The following SYT16 variants were observed in gnomAD, a reference collection of about 807,000 sequenced individuals.
SYT16 encodes the protein synaptotagmin 16.
In SYT16, 42 loss-of-function variants were observed where a neutral mutation model predicts 61.4. The observed-to-expected ratio is 0.68, with a 90% CI of 0.53 to 0.89. SYT16 has a LOEUF of 0.89. SYT16 is among the 40% of genes least tolerant of loss of function. SYT16 has a pLI of 0.00. For synonymous variants in SYT16, 314 were observed against 302.3 expected (o/e 1.04, Z -0.40); for missense variants, 804 against 807.3 (o/e 1.00, Z 0.05).
intron 1 of SYT16, among the ~76,000 whole-genome samples, chr14:61,908,773 G>A (rs1448694374): frequency 6.6e-6 from 1 of 152,120 alleles, no homozygotes; most frequent in African/African-American, 2.4e-5. Context: ...TCTACATCTG[G>A]TGGCTGTGGC....
chr14:61,846,009 AT>A (rs1461050891), intron 1 of SYT16, among the ~76,000 whole-genome samples: 1 of 152,032 alleles, frequency 6.6e-6, no homozygotes, highest in African/African-American at 2.4e-5. Flanking sequence ...GTTTTATTCC[AT>A]TGTGGTAAGA....
At chr14:61,990,733 C>G (rs1408694089) in intron 2 of SYT16, among the ~76,000 whole-genome samples, 1 of 152,102 alleles carries the variant, frequency 6.6e-6, no homozygotes, top group African/African-American at 2.4e-5. Flanking sequence ...GCAAGCAACC[C>G]CATCAGATAG....
chr14:62,069,750 A>T lies in SYT16; in HGVS notation c.671A>T (p.Lys224Ile). Residue 224 changes from lysine to isoleucine, a missense_variant, in exon 4 of 8, where the codon AAA (lysine) becomes ATA (isoleucine). Coordinates refer to ENST00000683842, the MANE Select transcript of SYT16 (RefSeq NM_001367656.1). ...GGAAAGCAGACAGGATTGGAGCAGAAACCAAAATTCAGCCGTTCGTTGTTG... is the reference window on the plus strand; with the variant it reads ...GGAAAGCAGACAGGATTGGAGCAGATACCAAAATTCAGCCGTTCGTTGTTG... ...EKGKQTGLEQ[K>I]PKFSRSLLTH... 3.7e-6 allele frequency: 6 copies of T among 1,614,030 alleles called. No individual in the cohort carries two copies. Among genetic ancestry groups the T allele is most frequent in the Non-Finnish European group, 5.1e-6 (6 of 1,179,890 alleles).
intron 3 of SYT16, among the ~76,000 whole-genome samples, chr14:62,018,424 C>T (rs2053786617): frequency 6.7e-6 from 1 of 150,238 alleles, no homozygotes; most frequent in Admixed American, 6.7e-5. Context: ...TCTCCTACCT[C>T]AGCCTCCCAA....
At chr14:62,022,984 G>A (rs958058424) in intron 3 of SYT16, among the ~76,000 whole-genome samples, 6 of 152,052 alleles carry the variant, frequency 3.9e-5, no homozygotes, top group African/African-American at 1.4e-4. Flanking sequence ...TAATTTTAAA[G>A]TCCTTGTCTG....
intron 1 of SYT16, among the ~76,000 whole-genome samples, chr14:61,872,181 C>G (rs1461498217): frequency 1.3e-5 from 2 of 151,870 alleles, no homozygotes; most frequent in African/African-American, 2.4e-5. Flanking sequence ...AATGAATGGC[C>G]CAATGCATAC....
chr14:61,969,126 A>G (rs1255669470), intron 1 of SYT16, among the ~76,000 whole-genome samples: 1 of 152,140 alleles, frequency 6.6e-6, no homozygotes, highest in Non-Finnish European at 1.5e-5. Context: ...AAGGCTTTGT[A>G]TTATTTGTAT....
chr14:62,053,164 G>A (rs1043109378), intron 3 of SYT16, among the ~76,000 whole-genome samples: 6 of 152,146 alleles, frequency 3.9e-5, no homozygotes, highest in African/African-American at 7.2e-5. Flanking sequence ...AAGAGAATAC[G>A]TAAATAATCA....
At chr14:61,988,115 C>T (rs2052396549) in intron 2 of SYT16, among the ~76,000 whole-genome samples, 1 of 152,084 alleles carries the variant, frequency 6.6e-6, no homozygotes, top group African/African-American at 2.4e-5. Context: ...TACTGGGGGC[C>T]AGTAGATGTG....
chr14:62,067,788 C>G (rs1340496178), intron 3 of SYT16, among the ~76,000 whole-genome samples: 1 of 150,682 alleles, frequency 6.6e-6, no homozygotes, highest in Admixed American at 6.6e-5. Context: ...ATGGTGAAAC[C>G]CTGTCTCTAC....
At chr14:61,941,446 A>T (rs553195389) in intron 1 of SYT16, among the ~76,000 whole-genome samples, 1 of 152,238 alleles carries the variant, frequency 6.6e-6, no homozygotes, top group East Asian at 1.9e-4. Flanking sequence ...CTAAATCTTC[A>T]TTCGTAGCCC....
At chr14:61,840,377 A>G (rs953387492) in intron 1 of SYT16, among the ~76,000 whole-genome samples, 1 of 152,104 alleles carries the variant, frequency 6.6e-6, no homozygotes, top group South Asian at 2.1e-4. Context: ...AATGGTTGAG[A>G]TCACCCAGGG....
chr14:62,093,253 G>A (rs1407293534), intron 7 of SYT16, among the ~76,000 whole-genome samples: 1 of 151,892 alleles, frequency 6.6e-6, no homozygotes, highest in African/African-American at 2.4e-5. Flanking sequence ...AACCAATAGA[G>A]GGAATAAATG....
intron 3 of SYT16, among the ~76,000 whole-genome samples, chr14:62,056,363 A>G (rs2055554808): frequency 6.6e-6 from 1 of 152,186 alleles, no homozygotes; most frequent in South Asian, 2.1e-4. Context: ...AAGGAATTTA[A>G]CCTAAGAAAA....
At chr14:62,044,763 G>C (rs921803138) in intron 3 of SYT16, among the ~76,000 whole-genome samples, 2 of 152,066 alleles carry the variant, frequency 1.3e-5, no homozygotes, top group African/African-American at 4.8e-5. Context: ...TGCCGGACTT[G>C]AGTAAGTGCT....
chr14:61,862,287 C>T (rs902605967), intron 1 of SYT16, among the ~76,000 whole-genome samples: 3 of 152,126 alleles, frequency 2.0e-5, no homozygotes, highest in South Asian at 2.1e-4. Flanking sequence ...TCCCACCTCC[C>T]GGACCCTGGA....
At chr14:61,918,994 A>G (rs1259031142) in intron 1 of SYT16, among the ~76,000 whole-genome samples, 1 of 152,232 alleles carries the variant, frequency 6.6e-6, no homozygotes, top group Non-Finnish European at 1.5e-5. Flanking sequence ...GGATTCTTAG[A>G]AGAGACAGGT....
intron 3 of SYT16, among the ~76,000 whole-genome samples, chr14:62,069,045 C>T (rs1471605761): frequency 1.3e-5 from 2 of 152,212 alleles, no homozygotes; most frequent in Non-Finnish European, 2.9e-5. Flanking sequence ...ATCTGCCCAC[C>T]TCGGCCTCCC....
At chr14:62,087,046 C>T (rs1407332884) in intron 7 of SYT16, among the ~76,000 whole-genome samples, 1 of 152,156 alleles carries the variant, frequency 6.6e-6, no homozygotes, top group Non-Finnish European at 1.5e-5. Flanking sequence ...TTTTCAAGGG[C>T]TTTGGATGTC....
Sources: allele counts gnomAD v4.1 joint callset (sites outside exome capture counted in the v4.1 genomes callset), GRCh38; gene constraint gnomAD v4.1.1; transcripts MANE v1.5; gene names NCBI Gene and HGNC (gene_info 2026-07-23, HGNC 2026-07-21).